Variants in STK32B observed in about 807,000 individuals in gnomAD.
The protein encoded by STK32B is serine/threonine-protein kinase 32B.
STK32B carries 43 observed loss-of-function variants against 52.6 expected under a neutral mutation model. The observed-to-expected ratio is 0.82, with a 90% CI of 0.64 to 1.05. The LOEUF is 1.05. Ranked by LOEUF, STK32B falls within the 50% of genes least tolerant of loss-of-function variation. The pLI is 0.00. For missense variants in STK32B, 621 were observed against 534.6 expected (o/e 1.16, Z -1.59); for synonymous variants, 238 against 204.3 (o/e 1.17, Z -1.41).
intron 4 of STK32B, among the ~76,000 whole-genome samples, chr4:5,360,745 G>A (rs956412313): frequency 6.6e-6 from 1 of 152,188 alleles, no homozygotes; most frequent in Non-Finnish European, 1.5e-5. Context: ...GGTGGAGGAC[G>A]CAGTGAACCG....
At chr4:5,300,357 C>T (rs973381777) in intron 3 of STK32B, among the ~76,000 whole-genome samples, 1 of 152,126 alleles carries the variant, frequency 6.6e-6, no homozygotes, top group East Asian at 1.9e-4. Flanking sequence ...AAGCATGCCT[C>T]CTATGAACTG....
At chr4:5,142,287 C>T (rs1045837445) in intron 2 of STK32B, among the ~76,000 whole-genome samples, 3 of 152,190 alleles carry the variant, frequency 2.0e-5, no homozygotes, top group Admixed American at 6.5e-5. Flanking sequence ...CTCTTCTTCC[C>T]TGGGGAGTAT....
chr4:5,121,596 ACAG>A (rs1318280830), intron 1 of STK32B, among the ~76,000 whole-genome samples: 1 of 152,260 alleles, frequency 6.6e-6, no homozygotes, highest in African/African-American at 2.4e-5. Flanking sequence ...GCAAAGGATA[ACAG>A]CAGGCATAAT....
intron 1 of STK32B, among the ~76,000 whole-genome samples, chr4:5,061,991 A>T (rs940199545): frequency 2.0e-5 from 3 of 152,122 alleles, no homozygotes; most frequent in Admixed American, 2.0e-4. Flanking sequence ...CTCCAAACAG[A>T]TTTTTCAAAA....
intron 11 of STK32B, among the ~76,000 whole-genome samples, chr4:5,485,830 G>T (rs548490805): frequency 7.0e-4 from 106 of 152,344 alleles, no homozygotes; most frequent in Middle Eastern, 3.4e-3. Context: ...CTGCAGGTCT[G>T]TTGGAGTTTG....
At chr4:5,152,158 G>C (rs551326175) in intron 2 of STK32B, among the ~76,000 whole-genome samples, 83 of 152,354 alleles carry the variant, frequency 5.4e-4, no homozygotes, top group African/African-American at 1.9e-3. Context: ...TTGATGAAGT[G>C]AAGGTTTATC....
At chr4:5,275,895 G>A (rs1436117109) in intron 3 of STK32B, among the ~76,000 whole-genome samples, 4 of 152,032 alleles carry the variant, frequency 2.6e-5, no homozygotes, top group Non-Finnish European at 5.9e-5. Context: ...CTATTTTGGA[G>A]CCATGCATCC....
chr4:5,491,096 G>A (rs1220395737), intron 11 of STK32B, among the ~76,000 whole-genome samples: 5 of 152,206 alleles, frequency 3.3e-5, no homozygotes, highest in Non-Finnish European at 7.3e-5. Context: ...CCCAGTAATG[G>A]GATGGCTGGG....
At chr4:5,099,326 A>T (rs1399157950) in intron 1 of STK32B, among the ~76,000 whole-genome samples, 1 of 152,182 alleles carries the variant, frequency 6.6e-6, no homozygotes. Flanking sequence ...AGGAACTAGA[A>T]TGTGGGCATC....
chr4:5,383,443 C>T (rs1048026944), intron 4 of STK32B, among the ~76,000 whole-genome samples: 3 of 152,162 alleles, frequency 2.0e-5, no homozygotes, highest in African/African-American at 4.8e-5. Context: ...CAGAGGTTGG[C>T]GACTAAGAAT....
At chr4:5,354,227 T>C (rs1734029799) in intron 4 of STK32B, among the ~76,000 whole-genome samples, 1 of 152,196 alleles carries the variant, frequency 6.6e-6, no homozygotes, top group African/African-American at 2.4e-5. Flanking sequence ...TGCCAGAGGC[T>C]GGAGAGGGTA....
At chr4:5,491,524 A>C (rs907816770) in intron 11 of STK32B, among the ~76,000 whole-genome samples, 8 of 151,722 alleles carry the variant, frequency 5.3e-5, no homozygotes, top group Non-Finnish European at 1.0e-4. Context: ...CCCATTTTGT[A>C]GGTTGCCTGT....
In STK32B at chr4:5,329,871, G is replaced by A. The variant is rs555211733; in HGVS notation, c.261-1349G>A. Among the ~76,000 whole-genome samples, 156 of 152,322 alleles carry A rather than the reference G, an allele frequency of 1.0e-3. 1 individual carries two copies. Among genetic ancestry groups the A allele is most frequent in the African/African-American group, 3.6e-3 (150 of 41,574 alleles). ...GACCCCAGTCTCTGTAATGGGAGCTGGAGGGGATTTGAGGTCCTTCCAACC... is the reference window on the plus strand; with the variant it reads ...GACCCCAGTCTCTGTAATGGGAGCTAGAGGGGATTTGAGGTCCTTCCAACC... On this transcript the variant is annotated intron_variant, in intron 3 of 11. Transcript: ENST00000282908.
intron 4 of STK32B, among the ~76,000 whole-genome samples, chr4:5,342,627 C>T (rs1733161975): frequency 6.6e-6 from 1 of 152,138 alleles, no homozygotes; most frequent in Admixed American, 6.5e-5. Flanking sequence ...ATCCAATCAC[C>T]TCCCAGCAGG....
chr4:5,159,533 G>GA (rs1482366061), intron 2 of STK32B, among the ~76,000 whole-genome samples: 36 of 111,356 alleles, frequency 3.2e-4, no homozygotes, highest in Non-Finnish European at 6.3e-4. Context: ...TGATATATAT[G>GA]TATATATGTA....
chr4:5,065,834 C>T (rs1742399473), intron 1 of STK32B, among the ~76,000 whole-genome samples: 1 of 152,138 alleles, frequency 6.6e-6, no homozygotes, highest in Non-Finnish European at 1.5e-5. Flanking sequence ...AGCAATTCTC[C>T]TGCCTCAGCC....
chr4:5,051,664 G>A lies in STK32B; in HGVS notation c.-200G>A, dbSNP rs1257342060. On this transcript the variant is annotated 5_prime_UTR_variant, in exon 1 of 12. Transcript: ENST00000282908. ...AAGGCGCGGCGAGAGCGGGGTCCCT[G>A]CGAGCGCAGTCGGAAGGGCGTCCAG... 3.3e-6 allele frequency: 2 copies of A among 603,658 alleles called. No homozygotes were observed. The highest frequency in any genetic ancestry group is 5.4e-6 in the Non-Finnish European group (2 of 367,042). 37.4% of individuals were successfully genotyped at this position (603,658 alleles called of 1,614,324 possible). A position where few individuals can be genotyped will look rare whatever the true frequency, so the allele number is the denominator to read the frequency against.
chr4:5,466,393 G>GA (rs1315915083), intron 9 of STK32B, among the ~76,000 whole-genome samples: 1 of 152,126 alleles, frequency 6.6e-6, no homozygotes, highest in Admixed American at 6.6e-5. Context: ...AATAATAAGT[G>GA]AAAAAATCAG....
intron 2 of STK32B, among the ~76,000 whole-genome samples, chr4:5,143,444 G>A (rs958263512): frequency 6.6e-6 from 1 of 152,120 alleles, no homozygotes; most frequent in Non-Finnish European, 1.5e-5. Flanking sequence ...TGGAGCCCAC[G>A]CATCACACCA....
Sources: allele counts gnomAD v4.1 joint callset (sites outside exome capture counted in the v4.1 genomes callset), GRCh38; gene constraint gnomAD v4.1.1; transcripts MANE v1.5; gene names NCBI Gene and HGNC (gene_info 2026-07-23, HGNC 2026-07-21).